The following AHNAK variants were observed in gnomAD, a reference collection of about 807,000 sequenced individuals.
AHNAK encodes the protein neuroblast differentiation-associated protein AHNAK.
Under a neutral mutation model 37.8 loss-of-function variants are expected in AHNAK, and 23 were observed. The observed-to-expected ratio is 0.61, with a 90% CI of 0.44 to 0.86. The LOEUF (loss-of-function observed/expected upper bound fraction) is 0.86. AHNAK is among the 40% of genes least tolerant of loss of function. The pLI is 0.00. For synonymous variants in AHNAK, 2,481 were observed against 2,636.3 expected (o/e 0.94, Z 1.80); for missense variants, 7,411 against 7,319.4 (o/e 1.01, Z -0.46).
downstream of AHNAK, among the ~76,000 whole-genome samples, chr11:62,511,409 C>T (rs535434925): frequency 3.0e-4 from 46 of 152,176 alleles, no homozygotes; most frequent in Non-Finnish European, 3.4e-4. Context: ...TGTGCCACCA[C>T]GTCCAGCTAA....
intron 4 of AHNAK, among the ~76,000 whole-genome samples, chr11:62,498,737 AG>A (rs1468428133): frequency 6.6e-6 from 1 of 152,072 alleles, no homozygotes; most frequent in Non-Finnish European, 1.5e-5. Context: ...TGATCATGCC[AG>A]TGCACTCCAG....
At chr11:62,476,627 A>G (rs774308841) in intron 5 of AHNAK, among the ~76,000 whole-genome samples, 12 of 152,004 alleles carry the variant, frequency 7.9e-5, no homozygotes, top group Non-Finnish European at 1.6e-4. Flanking sequence ...GCAAAAATTA[A>G]AACAAAACAA....
chr11:62,477,851 G>A (rs2134863337), intron 5 of AHNAK, among the ~76,000 whole-genome samples: 1 of 152,128 alleles, frequency 6.6e-6, no homozygotes, highest in Middle Eastern at 3.4e-3. Context: ...TCAAGCCCTG[G>A]GCCAAGGCTT....
At chr11:62,445,260 CT>C (rs1938400102) in intron 5 of AHNAK, among the ~76,000 whole-genome samples, 1 of 152,130 alleles carries the variant, frequency 6.6e-6, no homozygotes, top group Admixed American at 6.5e-5. Context: ...AACATTCCCG[CT>C]AAGAACTTCT....
chr11:62,530,200 A>C lies in AHNAK; in HGVS notation c.4217T>G (p.Leu1406Arg). Residue 1406 changes from leucine (L) to arginine (R), a missense_variant, in exon 5 of 5, where the codon CTG becomes CGG. Leu to Arg is a moderately radical substitution (Grantham distance 102). Transcript: ENST00000378024. ...KGEGPEVDVK[L>R]PKADVDVSGP... ...TGAGACATCAACGTCAGCTTTGGGC[A>C]GCTTCACATCCACTTCAGGGCCCTC... 1 of 1,612,956 alleles carries C rather than the reference A, an allele frequency of 6.2e-7. No homozygotes were observed. The highest frequency in any genetic ancestry group is 1.3e-5 in the African/African-American group (1 of 74,614).
chr11:62,507,943 G>T (rs957499107), intron 4 of AHNAK, among the ~76,000 whole-genome samples: 4 of 152,256 alleles, frequency 2.6e-5, no homozygotes, highest in Middle Eastern at 3.4e-3. Flanking sequence ...AATAATGGGG[G>T]TTTTTTAATT....
At chr11:62,476,523 C>T (rs1392984495) in intron 5 of AHNAK, among the ~76,000 whole-genome samples, 2 of 152,030 alleles carry the variant, frequency 1.3e-5, no homozygotes, top group Admixed American at 6.6e-5. Context: ...GAGAAGTTCC[C>T]GAAGAACTCA....
Position 62,531,027 on chromosome 11 carries a change from T to C in AHNAK, c.3390A>G (p.Lys1130=). The C allele has an allele frequency of 6.2e-7, 1 of 1,613,788 alleles. No homozygotes were observed. The highest frequency in any genetic ancestry group is 1.1e-5 in the South Asian group (1 of 91,080). The change falls in exon 5 of 5, where the codon AAA becomes AAG. Residue 1130 remains lysine, a synonymous_variant. Coordinates refer to ENST00000378024, the MANE Select transcript of AHNAK (RefSeq NM_001620.3). ...LDWSLKIPKM[K]MPKFSMPSLK... is the part of the protein sequence containing the mutation. ...GGCTGGGCATGCTGAACTTGGGCAT[T>C]TTCATCTTGGGTATTTTCAGGCTCC...
intron 5 of AHNAK, among the ~76,000 whole-genome samples, chr11:62,461,907 T>C (rs1938799178): frequency 6.6e-6 from 1 of 151,822 alleles, no homozygotes; most frequent in Non-Finnish European, 1.5e-5. Context: ...GTCTTTGTGG[T>C]TGGCCCAGGA....
intron 5 of AHNAK, among the ~76,000 whole-genome samples, chr11:62,482,624 C>T (rs1189785937): frequency 6.6e-6 from 1 of 152,140 alleles, no homozygotes; most frequent in Non-Finnish European, 1.5e-5. Flanking sequence ...AAAGCATTTA[C>T]GCCATGCCCG....
At chr11:62,541,858 T>A (rs1473704164) in intron 1 of AHNAK, 2 of 152,114 alleles carry the variant, frequency 1.3e-5, no homozygotes, top group African/African-American at 4.8e-5. Flanking sequence ...AAGGGTGACA[T>A]CCCTTCCAGG....
intron 5 of AHNAK, among the ~76,000 whole-genome samples, chr11:62,437,489 G>A (rs1322604527): frequency 6.9e-6 from 1 of 145,690 alleles, no homozygotes; most frequent in Non-Finnish European, 1.5e-5. Context: ...TGAGTACCTA[G>A]GATTACAGGC....
At position 62,516,614 on chromosome 11, in the gene AHNAK, G is replaced by A. The variant is rs1940025934; in HGVS notation, c.*130C>T. ...GTCGGTTTTTCAGCGCTTGCCACCG[G>A]GCCAGGCAAGGTCTTTGCATGATTG... On this transcript the variant is annotated 3_prime_UTR_variant, in exon 5 of 5. Coordinates refer to ENST00000378024, the MANE Select transcript of AHNAK (RefSeq NM_001620.3). The A allele has an allele frequency of 1.3e-6, 2 of 1,486,594 alleles. No homozygotes were observed. The highest frequency in any genetic ancestry group is 2.4e-5 in the Admixed American group (1 of 41,846). 92.1% of individuals were successfully genotyped at this position (1,486,594 alleles called of 1,614,324 possible).
intron 1 of AHNAK, among the ~76,000 whole-genome samples, chr11:62,543,227 A>C (rs1941192122): frequency 6.6e-6 from 1 of 152,170 alleles, no homozygotes; most frequent in African/African-American, 2.4e-5. Context: ...GCGTGCGGAC[A>C]TGTCCAGGAC....
In AHNAK at chr11:62,533,586, T is replaced by C. The variant is rs776380442; in HGVS notation, c.831A>G (p.Ala277=). ...LGGRGGVQVP[A]VDISSSLGGR... is the part of the protein sequence containing the mutation. ...CCCCAAGAGAAGATGAAATGTCCAC[T>C]GCTGGAACTTGGACCCCTCCTCTGC... is the stretch of plus-strand genomic sequence containing the variant. Residue 277 remains alanine, a synonymous_variant, in exon 5 of 5, where the codon GCA becomes GCG. Transcript: ENST00000378024. The C allele has an allele frequency of 6.2e-7, 1 of 1,614,124 alleles. No individual in the cohort carries two copies. Among genetic ancestry groups the C allele is most frequent in the Non-Finnish European group, 8.5e-7 (1 of 1,180,010 alleles).
At chr11:62,515,768 G>A (rs1939999591), downstream of AHNAK, 6 of 541,280 alleles carry the variant, frequency 1.1e-5, no homozygotes, top group Non-Finnish European at 1.4e-5. Flanking sequence ...ACTACCTCCC[G>A]AAGGTCACTG....
At chr11:62,436,153 G>T (rs1938166421) in intron 5 of AHNAK, among the ~76,000 whole-genome samples, 1 of 152,172 alleles carries the variant, frequency 6.6e-6, no homozygotes, top group African/African-American at 2.4e-5. Flanking sequence ...TGGGGAGGAA[G>T]TTGCAGGCTC....
chr11:62,439,125 G>A (rs1004995345), intron 5 of AHNAK, among the ~76,000 whole-genome samples: 4 of 126,296 alleles, frequency 3.2e-5, no homozygotes, highest in South Asian at 2.6e-4. Flanking sequence ...ATGGAGTCTC[G>A]CTCTGTCACC....
rs1488042903 is a variant in AHNAK at position 62,531,622 on chromosome 11, G to A, written c.2795C>T (p.Pro932Leu). 1 of 1,613,310 alleles carries A rather than the reference G, an allele frequency of 6.2e-7. No individual in the cohort carries two copies. The highest frequency in any genetic ancestry group is 2.2e-5 in the East Asian group (1 of 44,836). Residue 932 changes from proline to leucine, a missense_variant, in exon 5 of 5, where the codon CCC (proline) becomes CTC (leucine). Transcript: ENST00000378024. ...IEGPEGKLKG[P>L]KFKMPEMNIK... is the part of the protein sequence containing the mutation. ...ATTCATCTCTGGCATCTTGAACTTG[G>A]GGCCCTTCAGCTTTCCTTCAGGTCC...
Sources: gnomAD v4.1 joint callset for allele counts (sites outside exome capture counted in the v4.1 genomes callset) on GRCh38, gnomAD v4.1.1 for gene constraint, MANE v1.5 for transcripts, NCBI Gene and HGNC (gene_info 2026-07-23, HGNC 2026-07-21) for gene names.